Variants in JAZF1 observed in about 807,000 individuals in gnomAD.
JAZF1 encodes the protein juxtaposed with another zinc finger protein 1.
A neutral mutation model predicts 26.4 loss-of-function variants in JAZF1; 8 were observed. That is an observed-to-expected ratio of 0.30 (90% CI 0.18 to 0.55). JAZF1 has a LOEUF of 0.55. JAZF1 is among the 20% of genes least tolerant of loss of function. JAZF1 has a pLI of 0.94. For missense variants in JAZF1, 199 were observed against 322.0 expected, an observed-to-expected ratio of 0.62 and a Z score of 2.92; for synonymous variants, 126 against 122.3, an observed-to-expected ratio of 1.03 and a Z score of -0.20.
intron 1 of JAZF1, among the ~76,000 whole-genome samples, chr7:28,082,215 C>T (rs1270920542): frequency 6.6e-6 from 1 of 152,092 alleles, no homozygotes; most frequent in African/African-American, 2.4e-5. Flanking sequence ...CAAATCATGC[C>T]AAAGCATCAC....
At chr7:27,996,201 C>T (rs985765956) in intron 1 of JAZF1, among the ~76,000 whole-genome samples, 3 of 152,186 alleles carry the variant, frequency 2.0e-5, no homozygotes, top group African/African-American at 7.2e-5. Flanking sequence ...AGCTGGTCTA[C>T]ATTTTATAAC....
rs1784310777 is a variant in JAZF1 at position 28,092,290 on chromosome 7, C to CCAAAAAAAAAAAA, written c.115+88172_115+88173insTTTTTTTTTTTTG. 3.1e-3 allele frequency among the ~76,000 whole-genome samples: 40 copies of CCAAAAAAAAAAAA among 12,802 alleles called. 5 individuals are homozygous for CCAAAAAAAAAAAA. Among genetic ancestry groups the CCAAAAAAAAAAAA allele is most frequent in the African/African-American group, 7.7e-3 (36 of 4,646 alleles). The allele number at this position is 12,802 out of a possible 152,430, so 8.4% of individuals were successfully genotyped here. ...AACATCCCATTTCAGGGACAAAAGG[C>CCAAAAAAAAAAAA]AAAAAAAAAAAAAAAAAAAAAAAAA... is the stretch of plus-strand genomic sequence containing the variant. On this transcript the variant is annotated intron_variant, in intron 1 of 4. Coordinates refer to ENST00000283928, the MANE Select transcript of JAZF1 (RefSeq NM_175061.4).
intron 1 of JAZF1, among the ~76,000 whole-genome samples, chr7:28,045,810 G>C (rs1783486660): frequency 6.6e-6 from 1 of 152,178 alleles, no homozygotes; most frequent in Non-Finnish European, 1.5e-5. Context: ...CTGGCCTCAA[G>C]TGATCCTCCT....
At chr7:28,094,906 C>T (rs542999724) in intron 1 of JAZF1, among the ~76,000 whole-genome samples, 11 of 152,190 alleles carry the variant, frequency 7.2e-5, no homozygotes, top group Admixed American at 1.3e-4. Flanking sequence ...CTTAGTAAGA[C>T]GACAAGGAGG....
intron 1 of JAZF1, among the ~76,000 whole-genome samples, chr7:28,123,232 C>G (rs1782633496): frequency 6.6e-6 from 1 of 152,136 alleles, no homozygotes. Context: ...CGAATCATGA[C>G]CACCCCCAGC....
intron 3 of JAZF1, among the ~76,000 whole-genome samples, chr7:27,861,626 GCACTGT>G (rs971013022): frequency 2.7e-5 from 4 of 150,740 alleles, no homozygotes; most frequent in African/African-American, 9.8e-5. Context: ...CCTGCCCCAT[GCACTGT>G]CACTGTTTCT....
chr7:28,036,500 T>C (rs1040093859), intron 1 of JAZF1, among the ~76,000 whole-genome samples: 10 of 152,192 alleles, frequency 6.6e-5, no homozygotes, highest in East Asian at 1.9e-4. Context: ...CAAATAGAAG[T>C]GGTAGAGTAA....
In JAZF1 at chr7:27,927,263, A is replaced by C. The variant is rs181419311; in HGVS notation, c.189-31847T>G. Among the ~76,000 whole-genome samples the C allele has an allele frequency of 2.9e-3, 448 of 152,264 alleles. 1 individual carries two copies. Among genetic ancestry groups the C allele is most frequent in the African/African-American group, 0.01 (434 of 41,548 alleles). Reference sequence around the variant, plus strand: ...GAGTCCCCTGTGGAGCCCCCATCCCAATTTCTTCCCTGCACTTCTATTTAT... The same window carrying C: ...GAGTCCCCTGTGGAGCCCCCATCCCCATTTCTTCCCTGCACTTCTATTTAT... On this transcript the variant is annotated intron_variant, in intron 2 of 4. Coordinates refer to ENST00000283928, the MANE Select transcript of JAZF1 (RefSeq NM_175061.4).
At chr7:27,922,674 G>GTT (rs11411348) in intron 2 of JAZF1, among the ~76,000 whole-genome samples, 55 of 151,034 alleles carry the variant, frequency 3.6e-4, no homozygotes, top group Non-Finnish European at 4.6e-4. Context: ...TTAATAATGG[G>GTT]TTTTTTTTTG....
At chr7:28,145,670 T>C (rs1451607000) in intron 1 of JAZF1, among the ~76,000 whole-genome samples, 3 of 152,072 alleles carry the variant, frequency 2.0e-5, no homozygotes, top group Admixed American at 2.0e-4. Flanking sequence ...ATGTGTGTAG[T>C]TTGATGGGTT....
intron 1 of JAZF1, among the ~76,000 whole-genome samples, chr7:28,089,903 T>C (rs1421459923): frequency 1.3e-5 from 2 of 152,238 alleles, no homozygotes; most frequent in Non-Finnish European, 2.9e-5. Flanking sequence ...TCTTCCTGAC[T>C]ACATATAGTA....
intron 2 of JAZF1, among the ~76,000 whole-genome samples, chr7:27,932,374 T>C (rs994940974): frequency 1.3e-5 from 2 of 152,154 alleles, no homozygotes; most frequent in Admixed American, 1.3e-4. Flanking sequence ...AAAATATTGG[T>C]GTTTGATAGG....
chr7:28,027,383 A>T (rs1783111924), intron 1 of JAZF1, among the ~76,000 whole-genome samples: 1 of 152,214 alleles, frequency 6.6e-6, no homozygotes, highest in Non-Finnish European at 1.5e-5. Context: ...TTGTTTGGTT[A>T]TTAAAATACC....
At chr7:27,833,095 T>C in intron 4 of JAZF1, 119 bp from the exon 5 acceptor site, 1 of 713,664 alleles carries the variant, frequency 1.4e-6, no homozygotes, top group Non-Finnish European at 2.2e-6. Flanking sequence ...AGTGTAGTCT[T>C]TTGCAAGGAC....
intron 1 of JAZF1, among the ~76,000 whole-genome samples, chr7:28,162,870 G>A (rs1323493981): frequency 6.6e-6 from 1 of 152,134 alleles, no homozygotes; most frequent in Non-Finnish European, 1.5e-5. Context: ...TCTGTTTTTA[G>A]GAATAATCTA....
chr7:28,159,048 G>C (rs1477141023), intron 1 of JAZF1, among the ~76,000 whole-genome samples: 1 of 152,066 alleles, frequency 6.6e-6, no homozygotes, highest in Non-Finnish European at 1.5e-5. Flanking sequence ...CTGATGAGGG[G>C]AGAGAGACGC....
At chr7:28,172,897 C>T (rs1331150439) in intron 1 of JAZF1, among the ~76,000 whole-genome samples, 1 of 152,174 alleles carries the variant, frequency 6.6e-6, no homozygotes, top group Non-Finnish European at 1.5e-5. Flanking sequence ...GGACCCAATT[C>T]GACTTCCCCC....
At chr7:27,964,963 A>G (rs1201129162) in intron 2 of JAZF1, among the ~76,000 whole-genome samples, 1 of 152,128 alleles carries the variant, frequency 6.6e-6, no homozygotes, top group Non-Finnish European at 1.5e-5. Context: ...GTATGTTCGC[A>G]TGTGTTTCTT....
chr7:27,891,490 G>C (rs1488596197), intron 3 of JAZF1, among the ~76,000 whole-genome samples: 1 of 152,102 alleles, frequency 6.6e-6, no homozygotes, highest in Non-Finnish European at 1.5e-5. Flanking sequence ...ACAAGGATAG[G>C]AAAGGAAAAC....
Sources: allele counts gnomAD v4.1 joint callset (sites outside exome capture counted in the v4.1 genomes callset), GRCh38; gene constraint gnomAD v4.1.1; transcripts MANE v1.5; gene names NCBI Gene and HGNC (gene_info 2026-07-23, HGNC 2026-07-21).